PARP14: variants seen among roughly 807,000 people sequenced by gnomAD.
PARP14 encodes the protein poly(ADP-ribose) polymerase family member 14.
PARP14 carries 59 observed loss-of-function variants against 154.2 expected under a neutral mutation model. That is an observed-to-expected ratio of 0.38 (90% CI 0.31 to 0.48). The LOEUF (loss-of-function observed/expected upper bound fraction) is 0.48, where lower values mean the gene tolerates loss of function less well. PARP14 is among the 20% of genes least tolerant of loss of function. The pLI, the probability that PARP14 is intolerant of heterozygous loss-of-function variation, is 0.98. For synonymous variants in PARP14, 720 were observed against 780.5 expected (o/e 0.92, Z 1.29); for missense variants, 1,734 against 2,131.6 (o/e 0.81, Z 3.67).
Position 122,700,547 on chromosome 3 carries a change from G to T in PARP14, c.1993G>T (p.Val665Phe), listed in dbSNP as rs182702981. Residue 665 changes from valine to phenylalanine, a missense_variant, in exon 6 of 17, where the codon GTT (valine) becomes TTT (phenylalanine). This residue lies in a region of PARP14 where 1,646 missense variants were observed against 1,976.0 expected (regional missense o/e 0.83). Transcript: ENST00000474629. The stretch of plus-strand genomic sequence containing the variant: ...AACCTATAAATTGCTTTTTAACTTC[G>T]TTGAACAAAACATGAAAATAGAGAG... ...NETYKLLFNFVEQNMKIERLV... is the reference protein window; with the variant it reads ...NETYKLLFNFFEQNMKIERLV... 1 of 1,595,708 alleles carries T rather than the reference G, an allele frequency of 6.3e-7. No individual in the cohort carries two copies. Among genetic ancestry groups the T allele is most frequent in the Admixed American group, 1.8e-5 (1 of 56,540 alleles).
Position 122,700,935 on chromosome 3 carries a change from C to G in PARP14, c.2381C>G (p.Ser794Cys). ...AGCCCCGCTGGGCAGAAGTGCTTCT[C>G]TCGGACAGTCTTGGCCCCTGGCGTT... The part of the protein sequence containing the change: ...GGSPAGQKCF[S>C]RTVLAPGVVL... Residue 794 changes from serine to cysteine, a missense_variant, in exon 6 of 17, where the codon TCT (serine) becomes TGT (cysteine). By Grantham distance (112) the Ser-to-Cys change is moderately radical (BLOSUM62 -1). Transcript: ENST00000474629. 1.2e-6 allele frequency: 2 copies of G among 1,614,034 alleles called. No individual in the cohort carries two copies. Among genetic ancestry groups the G allele is most frequent in the Non-Finnish European group, 1.7e-6 (2 of 1,179,890 alleles).
At chr3:122,693,980 G>A (rs1470970859) in intron 4 of PARP14, among the ~76,000 whole-genome samples, 1 of 152,170 alleles carries the variant, frequency 6.6e-6, no homozygotes, top group Non-Finnish European at 1.5e-5. Context: ...AAACTAAATG[G>A]ACTTGCTTTT....
At chr3:122,705,381 T>C (rs1277875031) in intron 8 of PARP14, among the ~76,000 whole-genome samples, 1 of 152,228 alleles carries the variant, frequency 6.6e-6, no homozygotes, top group Non-Finnish European at 1.5e-5. Context: ...GAAATTTTAA[T>C]ACATAGTATA....
Position 122,685,176 on chromosome 3 carries a change from A to G in PARP14, c.188-9A>G, listed in dbSNP as rs1388249513. 6.2e-7 allele frequency: 1 copy of G among 1,613,564 alleles called. No individual in the cohort carries two copies. Reference sequence around the variant, plus strand: ...CATTTGTCTTTTTTCCCCCCTTTGGACATTTCAGTTCGGCAGAAGGTTCTG... The same window carrying G: ...CATTTGTCTTTTTTCCCCCCTTTGGGCATTTCAGTTCGGCAGAAGGTTCTG... On this transcript the variant is annotated splice_polypyrimidine_tract_variant and intron_variant, in intron 1 of 16. Transcript: ENST00000474629.
In PARP14 at chr3:122,681,143, G is replaced by C. The variant is rs866592837; in HGVS notation, c.187+73G>C. 2.6e-5 allele frequency: 25 copies of C among 970,232 alleles called. No individual in the cohort carries two copies. Among genetic ancestry groups the C allele is most frequent in the Admixed American group, 2.0e-4 (8 of 39,704 alleles). 60.1% of individuals were successfully genotyped at this position (970,232 alleles called of 1,614,324 possible). A position where few individuals can be genotyped will look rare whatever the true frequency, so the allele number is the denominator to read the frequency against. On this transcript the variant is annotated intron_variant, in intron 1 of 16. Coordinates refer to ENST00000474629, the MANE Select transcript of PARP14 (RefSeq NM_017554.3). This position sits in a 1 kb window ranked among gnomAD's most constrained non-coding sequence, Gnocchi z 5.5. ...CTCCAGGGAAATGGCGGCAGGGCAC[G>C]CACGGGAGGGTGACCCGCCCGACTT...
In PARP14 at chr3:122,718,771, T is replaced by C; in HGVS notation, c.4620T>C (p.Asn1540=). The part of the protein sequence containing the change: ...CISEFIEWQY[N]DNNTSHCFNK... ...GTGAGTTTATAGAATGGCAGTATAA[T>C]GACAATAACACTTCTCATTGTTTTA... The change falls in exon 14 of 17, where the codon AAT becomes AAC. Residue 1540 remains asparagine (N), a synonymous_variant. Transcript: ENST00000474629. 6.2e-7 allele frequency: 1 copy of C among 1,613,550 alleles called. No homozygotes were observed. Among genetic ancestry groups the C allele is most frequent in the African/African-American group, 1.3e-5 (1 of 74,978 alleles).
chr3:122,728,097 G>A, intron 16 of PARP14, 111 bp downstream of exon 16: 1 of 1,045,400 alleles, frequency 9.6e-7, no homozygotes, highest in Non-Finnish European at 1.4e-6. Context: ...TGGCCATGTT[G>A]CAGCCCGAGT....
At chr3:122,714,488 G>A in intron 12 of PARP14, 59 bp downstream of exon 12, 2 of 1,375,052 alleles carry the variant, frequency 1.5e-6, no homozygotes, top group Non-Finnish European at 2.0e-6. Flanking sequence ...CCTTTCATTT[G>A]GAGCTGAGTG....
intron 8 of PARP14, among the ~76,000 whole-genome samples, chr3:122,707,292 A>G (rs1400876568): frequency 6.6e-6 from 1 of 151,886 alleles, no homozygotes; most frequent in South Asian, 2.1e-4. Flanking sequence ...GAAGCAGGAG[A>G]ATCACTTGAA....
intron 9 of PARP14, among the ~76,000 whole-genome samples, chr3:122,710,995 C>T (rs955777744): frequency 1.3e-5 from 2 of 151,926 alleles, no homozygotes; most frequent in Non-Finnish European, 2.9e-5. Flanking sequence ...TTGGATGAGT[C>T]GTTAGGATTT....
chr3:122,710,071 C>A (rs1216322858), intron 9 of PARP14, among the ~76,000 whole-genome samples: 2 of 151,970 alleles, frequency 1.3e-5, no homozygotes, highest in Admixed American at 6.6e-5. Context: ...TAATTAGGTC[C>A]CATTTTTAAT....
intron 2 of PARP14, among the ~76,000 whole-genome samples, chr3:122,685,880 T>G (rs1938359553): frequency 6.6e-6 from 1 of 152,144 alleles, no homozygotes; most frequent in South Asian, 2.1e-4. Flanking sequence ...ATGGTGGTTT[T>G]GGATGTAAAA....
In PARP14 at chr3:122,700,376, G is replaced by C. The variant is rs770349710; in HGVS notation, c.1822G>C (p.Val608Leu). The change falls in exon 6 of 17, where the codon GTT (valine) becomes CTT (leucine). Residue 608 changes from valine (V) to leucine (L), a missense_variant. Physicochemically the swap from Val to Leu is conservative, Grantham distance 32. Transcript: ENST00000474629. ...GCGCATTGAAGTTGAGAACAAAGAA[G>C]TTCTTCATGGCAAGAAATGGAAAGG... ...YKRIEVENKE[V>L]LHGKKWKGLT... The C allele has an allele frequency of 6.2e-7, 1 of 1,613,854 alleles. No homozygotes were observed. Among genetic ancestry groups the C allele is most frequent in the Non-Finnish European group, 8.5e-7 (1 of 1,179,838 alleles).
At chr3:122,708,385 A>C in intron 9 of PARP14, 117 bp downstream of exon 9, 1 of 633,198 alleles carries the variant, frequency 1.6e-6, no homozygotes, top group South Asian at 1.9e-5. Flanking sequence ...GTGACAAATG[A>C]TACTAAGTTA....
intron 12 of PARP14, among the ~76,000 whole-genome samples, chr3:122,717,393 A>G (rs1422131871): frequency 6.6e-6 from 1 of 152,250 alleles, no homozygotes; most frequent in African/African-American, 2.4e-5. Context: ...GATATGGAGT[A>G]TGCTGAAAAC....
chr3:122,691,153 G>T (rs1043210830), intron 3 of PARP14, among the ~76,000 whole-genome samples: 3 of 152,108 alleles, frequency 2.0e-5, no homozygotes, highest in African/African-American at 7.2e-5. Context: ...CATTTTATGT[G>T]GCCACTGCGA....
chr3:122,698,950 G>A (rs1262057998), intron 5 of PARP14, among the ~76,000 whole-genome samples: 1 of 152,258 alleles, frequency 6.6e-6, no homozygotes, highest in South Asian at 2.1e-4. Flanking sequence ...TTATTCTCAC[G>A]ATTGTGACCA....
intron 10 of PARP14, 99 bp from the exon 11 acceptor site, chr3:122,713,773 C>T: frequency 1.0e-6 from 1 of 957,142 alleles, no homozygotes; most frequent in Non-Finnish European, 1.7e-6. Context: ...TAGAGGATTC[C>T]TCAGATGATG....
At position 122,699,736 on chromosome 3, in the gene PARP14, C is replaced by G. The variant is rs1215528013; in HGVS notation, c.1182C>G (p.Ile394Met). The G allele has an allele frequency of 6.2e-7, 1 of 1,613,854 alleles. No homozygotes were observed. Among genetic ancestry groups the G allele is most frequent in the South Asian group, 1.1e-5 (1 of 91,070 alleles). Reference sequence around the variant, plus strand: ...ATACTTCCACAACACTCTCTAGCATCAGGTCTAAATATAAAGTCAACCCAA... The same window carrying G: ...ATACTTCCACAACACTCTCTAGCATGAGGTCTAAATATAAAGTCAACCCAA... Reference protein sequence around the residue: ...QADTSTTLSSIRSKYKVNPIK... With the variant: ...QADTSTTLSSMRSKYKVNPIK... Residue 394 changes from isoleucine to methionine, a missense_variant, in exon 6 of 17, where the codon ATC (isoleucine) becomes ATG (methionine). Transcript: ENST00000474629.
Sources: gnomAD v4.1 joint callset for allele counts (sites outside exome capture counted in the v4.1 genomes callset) on GRCh38, gnomAD v4.1.1 for gene constraint, gnomAD v4.1.1 regional missense constraint, Gnocchi (gnomAD v3.1) non-coding constraint, MANE v1.5 for transcripts, NCBI Gene and HGNC (gene_info 2026-07-23, HGNC 2026-07-21) for gene names.